The following KCNIP4 variants were observed in gnomAD, a reference collection of about 807,000 sequenced individuals.
KCNIP4 encodes the protein potassium voltage-gated channel interacting protein 4.
Under a neutral mutation model 34.0 loss-of-function variants are expected in KCNIP4, and 12 were observed. The ratio of observed to expected loss-of-function variants is 0.35; its 90% CI spans 0.23 to 0.57. The LOEUF (loss-of-function observed/expected upper bound fraction) is 0.57, where lower values mean the gene tolerates loss of function less well. Among genes scored for constraint, KCNIP4 ranks in the 20% least tolerant of loss-of-function variants. KCNIP4 has a pLI of 0.83. For missense variants in KCNIP4, 238 were observed against 311.7 expected (o/e 0.76, Z 1.78); for synonymous variants, 124 against 102.2 (o/e 1.21, Z -1.29).
At chr4:21,398,491 C>T (rs1723199783) in intron 1 of KCNIP4, among the ~76,000 whole-genome samples, 1 of 152,136 alleles carries the variant, frequency 6.6e-6, no homozygotes, top group Non-Finnish European at 1.5e-5. Flanking sequence ...TCGTTTTGCT[C>T]TCCCATAAAT....
intron 3 of KCNIP4, among the ~76,000 whole-genome samples, chr4:20,772,285 A>G (rs1755965205): frequency 6.6e-6 from 1 of 152,134 alleles, no homozygotes; most frequent in Non-Finnish European, 1.5e-5. Flanking sequence ...CTAAAACACA[A>G]AGTATTCGTT....
Position 20,732,214 on chromosome 4 carries a change from G to T in KCNIP4, c.643-146C>A, listed in dbSNP as rs1376857566. 6.4e-6 allele frequency: 4 copies of T among 620,638 alleles called. No homozygotes were observed. The East Asian group carries it at 1.1e-4, about 17-fold the overall frequency. The allele number at this position is 620,638 out of a possible 1,614,324, so 38.4% of individuals were successfully genotyped here. On this transcript the variant is annotated intron_variant, in intron 7 of 8. Transcript: ENST00000382152. ...AACTGTTTCAGAGCAGGAACCAGCA[G>T]TTTTTTAGAGATAAAAATGATAGGG...
chr4:21,921,179 T>C (rs2108995492), intron 1 of KCNIP4, among the ~76,000 whole-genome samples: 1 of 152,308 alleles, frequency 6.6e-6, no homozygotes, highest in South Asian at 2.1e-4. Flanking sequence ...CTCAGTAGCA[T>C]TTGACTCAGC....
chr4:20,975,666 A>T (rs1427444271), intron 1 of KCNIP4, among the ~76,000 whole-genome samples: 1 of 152,060 alleles, frequency 6.6e-6, no homozygotes, highest in Non-Finnish European at 1.5e-5. Flanking sequence ...GGATAGAAAA[A>T]CCTAGTTAAA....
At chr4:21,571,394 T>C (rs1007999800) in intron 1 of KCNIP4, among the ~76,000 whole-genome samples, 2 of 152,188 alleles carry the variant, frequency 1.3e-5, no homozygotes, top group African/African-American at 4.8e-5. Flanking sequence ...CCTAGCTGTT[T>C]ATAAGAAAGG....
chr4:21,095,455 G>T (rs1361511408), intron 1 of KCNIP4, among the ~76,000 whole-genome samples: 1 of 151,942 alleles, frequency 6.6e-6, no homozygotes, highest in Non-Finnish European at 1.5e-5. Flanking sequence ...GTCACTCTAG[G>T]CATGGATCTA....
chr4:21,234,053 C>T lies in KCNIP4; in HGVS notation c.62-351344G>A, dbSNP rs745978538. On this transcript the variant is annotated intron_variant, in intron 1 of 8. Transcript: ENST00000382152. The stretch of plus-strand genomic sequence containing the variant: ...TATAACATATATAACATATATAACA[C>T]ATAACATATATAACATAACATAACA... 1.8e-3 allele frequency among the ~76,000 whole-genome samples: 188 copies of T among 104,506 alleles called. 2 individuals carry two copies. Among genetic ancestry groups the T allele is most frequent in the Non-Finnish European group, 2.8e-3 (169 of 59,784 alleles). 68.6% of individuals were successfully genotyped at this position (104,506 alleles called of 152,430 possible). A position where few individuals can be genotyped will look rare whatever the true frequency, so the allele number is the denominator to read the frequency against.
At chr4:21,672,815 G>A (rs531209962) in intron 1 of KCNIP4, among the ~76,000 whole-genome samples, 17 of 152,324 alleles carry the variant, frequency 1.1e-4, no homozygotes, top group African/African-American at 4.1e-4. Context: ...CATTGCTCAT[G>A]AGTTTGTAGT....
intron 1 of KCNIP4, among the ~76,000 whole-genome samples, chr4:21,565,947 C>T (rs1739848242): frequency 1.3e-5 from 2 of 152,080 alleles, no homozygotes; most frequent in African/African-American, 2.4e-5. Context: ...ATTTATCTGC[C>T]AGATAGCACA....
chr4:21,467,306 A>G (rs974503288), intron 1 of KCNIP4, among the ~76,000 whole-genome samples: 2 of 152,204 alleles, frequency 1.3e-5, no homozygotes, highest in African/African-American at 2.4e-5. Flanking sequence ...GGTTTCCTGC[A>G]GCCAACTTCC....
At chr4:21,582,502 T>C (rs994560109) in intron 1 of KCNIP4, 1 of 151,966 alleles carries the variant, frequency 6.6e-6, no homozygotes, top group Non-Finnish European at 1.5e-5. Flanking sequence ...TAAATGCTAA[T>C]AATACCCCAT....
intron 1 of KCNIP4, among the ~76,000 whole-genome samples, chr4:21,829,586 T>C (rs1352535318): frequency 1.3e-5 from 2 of 151,770 alleles, no homozygotes; most frequent in Non-Finnish European, 2.9e-5. Flanking sequence ...ACAAATAATA[T>C]AGAAAAAAAT....
At chr4:21,040,954 TA>T (rs11399453) in intron 1 of KCNIP4, among the ~76,000 whole-genome samples, 15 of 143,038 alleles carry the variant, frequency 1.0e-4, no homozygotes, top group East Asian at 2.0e-4. Context: ...TGAAACAGAG[TA>T]AAAAAAAAAA....
Position 21,307,005 on chromosome 4 carries a change from A to G in KCNIP4, c.62-424296T>C, listed in dbSNP as rs190624982. 2.0e-5 allele frequency among the ~76,000 whole-genome samples: 3 copies of G among 152,130 alleles called. 1 individual carries two copies. Among genetic ancestry groups the G allele is most frequent in the African/African-American group, 7.2e-5 (3 of 41,502 alleles). ...ACCCAGCTAATTTTGTATTTTTAGT[A>G]GAGACGGGGTTTCTCCATGTTGGTG... On this transcript the variant is annotated intron_variant, in intron 1 of 8. Coordinates refer to ENST00000382152, the MANE Select transcript of KCNIP4 (RefSeq NM_025221.6).
chr4:21,533,404 A>G (rs1424982824), intron 1 of KCNIP4, among the ~76,000 whole-genome samples: 1 of 152,148 alleles, frequency 6.6e-6, no homozygotes. Context: ...TTTAAAGACT[A>G]AAAGAGTCAA....
At chr4:20,799,408 C>T (rs1344287980) in intron 3 of KCNIP4, among the ~76,000 whole-genome samples, 3 of 152,184 alleles carry the variant, frequency 2.0e-5, no homozygotes, top group South Asian at 2.1e-4. Context: ...CCCCACTAAC[C>T]CACATAGCCA....
At chr4:20,742,632 T>C (rs903888417) in intron 5 of KCNIP4, among the ~76,000 whole-genome samples, 1 of 152,086 alleles carries the variant, frequency 6.6e-6, no homozygotes, top group Non-Finnish European at 1.5e-5. Context: ...AAAACTGGAC[T>C]CATTCCCTTT....
chr4:21,239,647 G>A (rs954714786), intron 1 of KCNIP4, among the ~76,000 whole-genome samples: 3 of 152,172 alleles, frequency 2.0e-5, no homozygotes, highest in African/African-American at 7.2e-5. Flanking sequence ...CTGACCATCA[G>A]ATAAATGCAA....
At chr4:21,049,762 G>A (rs965194950) in intron 1 of KCNIP4, among the ~76,000 whole-genome samples, 5 of 152,114 alleles carry the variant, frequency 3.3e-5, no homozygotes, top group African/African-American at 4.8e-5. Context: ...GTGACCCCTA[G>A]TCATTCTACA....
Sources: gnomAD v4.1 joint callset for allele counts (sites outside exome capture counted in the v4.1 genomes callset) on GRCh38, gnomAD v4.1.1 for gene constraint, MANE v1.5 for transcripts, NCBI Gene and HGNC (gene_info 2026-07-23, HGNC 2026-07-21) for gene names.